The following FSTL4 variants were observed in gnomAD, a reference collection of about 807,000 sequenced individuals.
FSTL4 encodes the protein follistatin-related protein 4.
In FSTL4, 28 loss-of-function variants were observed where a neutral mutation model predicts 78.2. That is an observed-to-expected ratio of 0.36 (90% CI 0.27 to 0.49). FSTL4 has a LOEUF of 0.49. Among genes scored for constraint, FSTL4 ranks in the 20% least tolerant of loss-of-function variants. The pLI is 0.98. For synonymous variants in FSTL4, 422 were observed against 440.5 expected, an observed-to-expected ratio of 0.96 and a Z score of 0.53; for missense variants, 922 against 1,084.9, an observed-to-expected ratio of 0.85 and a Z score of 2.11.
chr5:133,457,554 C>T (rs1020539662), intron 3 of FSTL4, among the ~76,000 whole-genome samples: 1 of 152,230 alleles, frequency 6.6e-6, no homozygotes, highest in African/African-American at 2.4e-5. Flanking sequence ...TGCTGTGAAG[C>T]CCTGAAGGGA....
intron 2 of FSTL4, 68 bp from the exon 3 acceptor site, chr5:133,567,287 T>TGTA: frequency 3.6e-6 from 4 of 1,101,356 alleles, no homozygotes; most frequent in Non-Finnish European, 2.8e-6. Context: ...TGCAAATATC[T>TGTA]CCTCTCTTGT....
chr5:133,833,164 G>GCAA, the FSTL4 span, among the ~76,000 whole-genome samples: 6 of 152,310 alleles, frequency 3.9e-5, no homozygotes, highest in African/African-American at 1.4e-4. Flanking sequence ...ATGAGGAGCA[G>GCAA]AGCCCACAGT....
chr5:133,444,811 A>G (rs1757227252), intron 3 of FSTL4, among the ~76,000 whole-genome samples: 1 of 152,212 alleles, frequency 6.6e-6, no homozygotes, highest in African/African-American at 2.4e-5. Context: ...AGCAGACACG[A>G]GGGCTCAAGC....
At position 133,604,006 on chromosome 5, in the gene FSTL4, T is replaced by C. The variant is rs747948962; in HGVS notation, c.-10-13A>G. The C allele has an allele frequency of 2.1e-5, 34 of 1,585,964 alleles. 1 individual carries two copies. Among genetic ancestry groups the C allele is most frequent in the Middle Eastern group, 1.7e-4 (1 of 6,000 alleles). On this transcript the variant is annotated splice_polypyrimidine_tract_variant and intron_variant, in intron 1 of 15. Transcript: ENST00000265342. ...CATTTTGATGAGTCTGTTGAAGAAATGACAAATGCTGAGAATAAAACATTA... is the reference window on the plus strand; with the variant it reads ...CATTTTGATGAGTCTGTTGAAGAAACGACAAATGCTGAGAATAAAACATTA...
chr5:133,385,287 C>T (rs530249484), intron 4 of FSTL4, among the ~76,000 whole-genome samples: 10 of 152,234 alleles, frequency 6.6e-5, no homozygotes, highest in Non-Finnish European at 1.3e-4. Context: ...TCTATGAAAT[C>T]GTGAAACACA....
intron 3 of FSTL4, among the ~76,000 whole-genome samples, chr5:133,525,142 CATTA>C (rs1459088989): frequency 4.6e-5 from 7 of 152,192 alleles, no homozygotes; most frequent in Admixed American, 2.0e-4. Context: ...CAAGAGCTAC[CATTA>C]ATTATGTATC....
At chr5:133,216,506 G>A (rs1444696694) in intron 13 of FSTL4, among the ~76,000 whole-genome samples, 2 of 151,826 alleles carry the variant, frequency 1.3e-5, no homozygotes, top group Admixed American at 6.6e-5. Context: ...CTGCCACCAC[G>A]CCTGGCTAAT....
chr5:133,504,211 C>T (rs1001828270), intron 3 of FSTL4, among the ~76,000 whole-genome samples: 2 of 151,944 alleles, frequency 1.3e-5, no homozygotes, highest in Non-Finnish European at 2.9e-5. Context: ...ACCTGGTCCT[C>T]CCCCCGAAAC....
In FSTL4 at chr5:133,293,215, C is replaced by T. The variant is rs1215925614; in HGVS notation, c.727+19439G>A. Among the ~76,000 whole-genome samples, 10 of 152,240 alleles carry T rather than the reference C, an allele frequency of 6.6e-5. No homozygotes were observed. The East Asian group carries it at 1.7e-3, about 26-fold the overall frequency. On this transcript the variant is annotated intron_variant, in intron 6 of 15. Transcript: ENST00000265342. Reference sequence around the variant, plus strand: ...TGGTCTTCACTGTTCAGCTCCTTCTCTCCCAACCGCCACCCCACGCAAGGG... The same window carrying T: ...TGGTCTTCACTGTTCAGCTCCTTCTTTCCCAACCGCCACCCCACGCAAGGG...
At chr5:133,492,395 T>C (rs1256869218) in intron 3 of FSTL4, among the ~76,000 whole-genome samples, 5 of 152,182 alleles carry the variant, frequency 3.3e-5, no homozygotes, top group Non-Finnish European at 5.9e-5. Context: ...TATATATACC[T>C]TTAGTTCTTT....
intron 2 of FSTL4, among the ~76,000 whole-genome samples, chr5:133,592,983 G>A (rs1254472953): frequency 6.6e-6 from 1 of 152,178 alleles, no homozygotes. Flanking sequence ...GGACCAGGAA[G>A]GATACCTGGA....
the FSTL4 span, among the ~76,000 whole-genome samples, chr5:133,655,630 G>T: frequency 0.017 from 2,589 of 152,182 alleles, 76 homozygotes; most frequent in African/African-American, 0.059. Context: ...TGGACCCAGA[G>T]GCCCATGAAG....
Position 133,199,363 on chromosome 5 carries a change from G to C in FSTL4, c.2261C>G (p.Ala754Gly). ...TESNQYNIYA[A>G]LHTEPDLLFL... ...CAGCAGGTCCGGCTCCGTGTGCAGAGCCGCGTAGATGTTGTATTGATTGCT... is the reference window on the plus strand; with the variant it reads ...CAGCAGGTCCGGCTCCGTGTGCAGACCCGCGTAGATGTTGTATTGATTGCT... Residue 754 changes from alanine (A) to glycine (G), a missense_variant, in exon 16 of 16, where the codon GCT (alanine) becomes GGT (glycine). Transcript: ENST00000265342. The surrounding 1 kb of genome is among the most constrained non-coding windows in gnomAD (Gnocchi z 4.4). The C allele has an allele frequency of 6.2e-7, 1 of 1,614,168 alleles. No individual in the cohort carries two copies. The highest frequency in any genetic ancestry group is 1.6e-4 in the Middle Eastern group (1 of 6,062).
chr5:133,603,771 T>C (rs887045609), intron 2 of FSTL4, 87 bp downstream of exon 2: 39 of 1,444,660 alleles, frequency 2.7e-5, no homozygotes, highest in Non-Finnish European at 3.6e-5. Flanking sequence ...CTAACTGATC[T>C]AAACTAAAGG....
chr5:133,462,921 C>T (rs542818827), intron 3 of FSTL4, among the ~76,000 whole-genome samples: 1 of 152,276 alleles, frequency 6.6e-6, no homozygotes, highest in East Asian at 1.9e-4. Context: ...CTGAGCTGCG[C>T]CTGGGCCAAG....
chr5:133,561,480 G>A (rs1759911334), intron 3 of FSTL4, among the ~76,000 whole-genome samples: 1 of 152,104 alleles, frequency 6.6e-6, no homozygotes, highest in Non-Finnish European at 1.5e-5. Flanking sequence ...GTGTCATTCT[G>A]GGGGAAAAGT....
intron 6 of FSTL4, among the ~76,000 whole-genome samples, chr5:133,251,025 G>A (rs890815): frequency 0.16 from 24,087 of 152,238 alleles, 2,371 homozygotes; most frequent in East Asian, 0.4. Flanking sequence ...AGTGATGGAT[G>A]CAGACGCAAC....
At chr5:133,688,255 CA>C in the FSTL4 span, among the ~76,000 whole-genome samples, 3 of 151,900 alleles carry the variant, frequency 2.0e-5, no homozygotes, top group Non-Finnish European at 4.4e-5. Context: ...CTAAAAAATA[CA>C]AAAAAAATTA....
At chr5:133,622,299 CTTT>C in the FSTL4 span, among the ~76,000 whole-genome samples, 510 of 152,218 alleles carry the variant, frequency 3.4e-3, 5 homozygotes, top group African/African-American at 0.012. Context: ...AACCACCTGG[CTTT>C]TTCTATTTTT....
Sources: allele counts gnomAD v4.1 joint callset (sites outside exome capture counted in the v4.1 genomes callset), GRCh38; gene constraint gnomAD v4.1.1; non-coding constraint Gnocchi (gnomAD v3.1); transcripts MANE v1.5; gene names NCBI Gene and HGNC (gene_info 2026-07-23, HGNC 2026-07-21).